The following ZDHHC24 variants were observed in gnomAD, a reference collection of about 807,000 sequenced individuals.
The protein encoded by ZDHHC24 is zDHHC palmitoyltransferase 24, also known as probable palmitoyltransferase ZDHHC24.
ZDHHC24 carries 17 observed loss-of-function variants against 23.2 expected under a neutral mutation model. The observed-to-expected ratio is 0.73, with a 90% CI of 0.50 to 1.10. ZDHHC24 has a LOEUF of 1.10. ZDHHC24 is among the 50% of genes least tolerant of loss of function. ZDHHC24 has a pLI of 0.00. For missense variants in ZDHHC24, 366 were observed against 393.0 expected (o/e 0.93, Z 0.58); for synonymous variants, 186 against 194.5 (o/e 0.96, Z 0.36).
At chr11:66,532,097 T>C, downstream of ZDHHC24, 2 of 1,523,430 alleles carry the variant, frequency 1.3e-6, no homozygotes, top group East Asian at 2.4e-5. Flanking sequence ...GCGGGTTTAG[T>C]GGCCCCAGGC....
At chr11:66,533,480 C>T (rs1453122631), downstream of ZDHHC24, 1 of 152,210 alleles carries the variant, frequency 6.6e-6, no homozygotes, top group Non-Finnish European at 1.5e-5. Flanking sequence ...CTTTTGTCAG[C>T]AACCCTCCCC....
chr11:66,528,076 C>G (rs1043043967), intron 3 of ZDHHC24, among the ~76,000 whole-genome samples: 1 of 151,944 alleles, frequency 6.6e-6, no homozygotes. Context: ...ACTAAAAATA[C>G]AAAATTAGCT....
At chr11:66,535,507 T>C (rs1856939915), downstream of ZDHHC24, among the ~76,000 whole-genome samples, 1 of 152,032 alleles carries the variant, frequency 6.6e-6, no homozygotes, top group Non-Finnish European at 1.5e-5. Flanking sequence ...TAATTTTGTA[T>C]TTTGCAGAGA....
rs1342979687 is a variant in ZDHHC24 at position 66,538,780 on chromosome 11, C to G, written c.*749G>C. 1 of 152,254 alleles carries G rather than the reference C, an allele frequency of 6.6e-6. No homozygotes were observed. Among genetic ancestry groups the G allele is most frequent in the Non-Finnish European group, 1.5e-5 (1 of 68,080 alleles). 9.4% of individuals were successfully genotyped at this position (152,254 alleles called of 1,614,324 possible). A position where few individuals can be genotyped will look rare whatever the true frequency, so the allele number is the denominator to read the frequency against. ...AGGCCAGAGAGGTGCAGGCCTAGCC[C>G]TGTCAGCACCACCCTCCACAGATGC... On this transcript the variant is annotated 3_prime_UTR_variant, in exon 3 of 3. Transcript: ENST00000310442.
rs1246911254 is a variant in ZDHHC24, at chr11:66,539,348, G to GCACTCCTCTT, written c.*180_*181insAAGAGGAGTG. 6 of 1,332,106 alleles carry GCACTCCTCTT rather than the reference G, an allele frequency of 4.5e-6. No individual in the cohort carries two copies. In the African/African-American group the frequency reaches 9.1e-5, roughly 20 times the overall value. The allele number at this position is 1,332,106 out of a possible 1,614,324, so 82.5% of individuals were successfully genotyped here. On this transcript the variant is annotated 3_prime_UTR_variant, in exon 3 of 3. Coordinates refer to ENST00000310442, the MANE Select transcript of ZDHHC24 (RefSeq NM_207340.3). ...GCCAGACCCTCCTCTGCACTCCTCT[G>GCACTCCTCTT]CCTAAGTCACGGCCCAAGCCCTGGA...
downstream of ZDHHC24, chr11:66,531,591 GCA>G: frequency 6.2e-7 from 1 of 1,605,722 alleles, no homozygotes; most frequent in Non-Finnish European, 8.5e-7. Context: ...GGGCCTGAAT[GCA>G]CTGGAATATG....
intron 3 of ZDHHC24, among the ~76,000 whole-genome samples, chr11:66,528,574 G>A (rs1856617105): frequency 1.3e-5 from 2 of 152,178 alleles, no homozygotes; most frequent in African/African-American, 4.8e-5. Context: ...CTGAACATGT[G>A]GAAAGTCAGA....
intron 2 of ZDHHC24, among the ~76,000 whole-genome samples, chr11:66,541,929 G>A (rs1857164590): frequency 6.6e-6 from 1 of 151,954 alleles, no homozygotes; most frequent in Non-Finnish European, 1.5e-5. Context: ...CGCTGGAGGA[G>A]GATATGAGGG....
Position 66,539,716 on chromosome 11 carries a change from C to CGCA in ZDHHC24, c.665_667dup (p.Leu222dup). 1.2e-6 allele frequency: 2 copies of CGCA among 1,612,684 alleles called. No homozygotes were observed. Among genetic ancestry groups the CGCA allele is most frequent in the Admixed American group, 1.7e-5 (1 of 59,946 alleles). On this transcript the variant is annotated inframe_insertion, in exon 3 of 3. Transcript: ENST00000310442. Reference sequence around the variant, plus strand: ...AGCCCACTCCCATGTGGTCTGGCCCCGCAGCAGCAGCATCCCATGGAAGAG... The same window carrying CGCA: ...AGCCCACTCCCATGTGGTCTGGCCCCGCAGCAGCAGCAGCATCCCATGGAAGAG...
At position 66,539,421 on chromosome 11, in the gene ZDHHC24, G is replaced by A. The variant is rs1431416558; in HGVS notation, c.*108C>T. ...GGGGCAAGGCCAAGGAAGGGGTGGA[G>A]TTGTCCAATGCAGATGTTAAGGTCC... On this transcript the variant is annotated 3_prime_UTR_variant, in exon 3 of 3. Transcript: ENST00000310442. 2 of 1,399,624 alleles carry A rather than the reference G, an allele frequency of 1.4e-6. No homozygotes were observed. Among genetic ancestry groups the A allele is most frequent in the Admixed American group, 3.2e-5 (1 of 31,712 alleles). 86.7% of individuals were successfully genotyped at this position (1,399,624 alleles called of 1,614,324 possible).
Position 66,545,624 on chromosome 11 carries a change from G to T in ZDHHC24, c.281+99C>A. ...AAAAATGTCTGATTCTAACAACCTGGATCCTAATGTAACCCGGTTCTAACA... is the reference window on the plus strand; with the variant it reads ...AAAAATGTCTGATTCTAACAACCTGTATCCTAATGTAACCCGGTTCTAACA... On this transcript the variant is annotated intron_variant, in intron 1 of 2. Coordinates refer to ENST00000310442, the MANE Select transcript of ZDHHC24 (RefSeq NM_207340.3). This position sits in a 1 kb window ranked among gnomAD's most constrained non-coding sequence, Gnocchi z 4.5. The T allele has an allele frequency of 1.5e-6, 2 of 1,306,626 alleles. No homozygotes were observed. The highest frequency in any genetic ancestry group is 2.0e-6 in the Non-Finnish European group (2 of 996,316). The allele number at this position is 1,306,626 out of a possible 1,614,324, so 80.9% of individuals were successfully genotyped here. A position where few individuals can be genotyped will look rare whatever the true frequency, so the allele number is the denominator to read the frequency against.
intron 4 of ZDHHC24, chr11:66,523,217 A>G: frequency 1.6e-6 from 1 of 644,318 alleles, no homozygotes; most frequent in Admixed American, 2.1e-5. Flanking sequence ...AAGACAAGAC[A>G]CCATAGTGAA....
chr11:66,526,205 A>G lies in ZDHHC24; in HGVS notation c.*21+731T>C, dbSNP rs1443969151. ...ATGACCACTCGAGGTGAGTGGAGTC[A>G]GACCTGGCAAGGGCTTTGAAGTCGG... On this transcript the variant is annotated intron_variant, in intron 4 of 4. Transcript: ENST00000526986. 1 of 1,613,344 alleles carries G rather than the reference A, an allele frequency of 6.2e-7. No homozygotes were observed. The highest frequency in any genetic ancestry group is 1.3e-5 in the African/African-American group (1 of 74,918).
Position 66,539,343 on chromosome 11 carries a change from C to A in ZDHHC24, c.*186G>T. The A allele has an allele frequency of 7.6e-7, 1 of 1,322,550 alleles. No individual in the cohort carries two copies. The highest frequency in any genetic ancestry group is 9.6e-7 in the Non-Finnish European group (1 of 1,040,094). 81.9% of individuals were successfully genotyped at this position (1,322,550 alleles called of 1,614,324 possible). A position where few individuals can be genotyped will look rare whatever the true frequency, so the allele number is the denominator to read the frequency against. ...CCCCTGCCAGACCCTCCTCTGCACTCCTCTGCCTAAGTCACGGCCCAAGCC... is the reference window on the plus strand; with the variant it reads ...CCCCTGCCAGACCCTCCTCTGCACTACTCTGCCTAAGTCACGGCCCAAGCC... On this transcript the variant is annotated 3_prime_UTR_variant, in exon 3 of 3. Coordinates refer to ENST00000310442, the MANE Select transcript of ZDHHC24 (RefSeq NM_207340.3).
intron 4 of ZDHHC24, chr11:66,522,915 C>G (rs373432727): frequency 1.4e-5 from 5 of 346,810 alleles, no homozygotes; most frequent in Non-Finnish European, 2.2e-5. Context: ...TAAAAAGGAA[C>G]CAGTTGGTGA....
rs1331180762 is a variant in ZDHHC24, at chr11:66,536,855, CAA to C, written c.*2672_*2673del. Reference sequence around the variant, plus strand: ...CATCATTGCACTCCAGCCTGGGTAACAAGAGTGAAACTCTGTCTCAAAAAATA... The same window carrying C: ...CATCATTGCACTCCAGCCTGGGTAACGAGTGAAACTCTGTCTCAAAAAATA... On this transcript the variant is annotated 3_prime_UTR_variant, in exon 3 of 3. Coordinates refer to ENST00000310442, the MANE Select transcript of ZDHHC24 (RefSeq NM_207340.3). 3.3e-5 allele frequency: 5 copies of C among 151,740 alleles called. No individual in the cohort carries two copies. Among genetic ancestry groups the C allele is most frequent in the East Asian group, 1.9e-4 (1 of 5,190 alleles). 9.4% of individuals were successfully genotyped at this position (151,740 alleles called of 1,614,324 possible).
intron 1 of ZDHHC24, among the ~76,000 whole-genome samples, chr11:66,544,718 TA>T (rs1048912012): frequency 4.6e-5 from 7 of 152,116 alleles, no homozygotes; most frequent in Non-Finnish European, 7.3e-5. Flanking sequence ...AAAAATTAAT[TA>T]AAAAAAATTT....
intron 4 of ZDHHC24, among the ~76,000 whole-genome samples, chr11:66,525,882 G>C (rs1365839060): frequency 6.6e-6 from 1 of 152,178 alleles, no homozygotes; most frequent in Non-Finnish European, 1.5e-5. Context: ...CGAAAGACGA[G>C]TCTGGGAGAT....
Position 66,539,552 on chromosome 11 carries a change from C to A in ZDHHC24, c.832G>T (p.Asp278Tyr). The A allele has an allele frequency of 6.3e-7, 1 of 1,592,480 alleles. No individual in the cohort carries two copies. Among genetic ancestry groups the A allele is most frequent in the Non-Finnish European group, 8.6e-7 (1 of 1,168,676 alleles). Residue 278 changes from aspartate (D) to tyrosine (Y), a missense_variant, in exon 3 of 3, where the codon GAT (aspartate) becomes TAT (tyrosine). Asp to Tyr is a radical substitution (Grantham distance 160). Transcript: ENST00000310442. Reference sequence around the variant, plus strand: ...AGTCAGGAGGCTGTGTGTCCCACATCTGCTGTGGTCTGGAAGGTGATCCCA... The same window carrying A: ...AGTCAGGAGGCTGTGTGTCCCACATATGCTGTGGTCTGGAAGGTGATCCCA... ...GDGITFQTTA[D>Y]VGHTAS
Sources: gnomAD v4.1 joint callset for allele counts (sites outside exome capture counted in the v4.1 genomes callset) on GRCh38, gnomAD v4.1.1 for gene constraint, Gnocchi (gnomAD v3.1) non-coding constraint, MANE v1.5 for transcripts, NCBI Gene and HGNC (gene_info 2026-07-23, HGNC 2026-07-21) for gene names.